Variants in TBC1D32 observed in about 807,000 individuals in gnomAD.
TBC1D32 encodes protein broad-minded.
A neutral mutation model predicts 170.3 loss-of-function variants in TBC1D32; 151 were observed. The observed-to-expected ratio is 0.89, with a 90% confidence interval of 0.78 to 1.01. TBC1D32 has a LOEUF of 1.01. Ranked by LOEUF, TBC1D32 falls within the 50% of genes least tolerant of loss-of-function variation. TBC1D32 has a pLI of 0.00. For missense variants in TBC1D32, 1,464 were observed against 1,457.1 expected (o/e 1.00, Z -0.08); for synonymous variants, 498 against 488.0 (o/e 1.02, Z -0.27).
At chr6:121,216,566 G>A (rs2133991) in intron 21 of TBC1D32, among the ~76,000 whole-genome samples, 26,208 of 152,034 alleles carry the variant, frequency 0.17, 4,442 homozygotes, top group African/African-American at 0.44. Context: ...AGTCATTGGC[G>A]TGAACTGTTT....
intron 22 of TBC1D32, chr6:121,170,319 T>G: frequency 7.7e-7 from 1 of 1,300,822 alleles, no homozygotes; most frequent in South Asian, 1.8e-5. Context: ...AGAAAAACAT[T>G]AAACAAGCTA....
chr6:121,313,800 A>G (rs1017873547), intron 3 of TBC1D32, among the ~76,000 whole-genome samples: 4 of 152,136 alleles, frequency 2.6e-5, no homozygotes, highest in African/African-American at 9.7e-5. Flanking sequence ...TTGCCAAAAA[A>G]AGAGATAAGT....
At chr6:121,190,094 AC>A in intron 22 of TBC1D32, among the ~76,000 whole-genome samples, 1 of 138,010 alleles carries the variant, frequency 7.2e-6, no homozygotes. Flanking sequence ...ACACACACAC[AC>A]ACACACACAC....
At chr6:121,181,462 T>C (rs561045020) in intron 22 of TBC1D32, among the ~76,000 whole-genome samples, 1 of 152,232 alleles carries the variant, frequency 6.6e-6, no homozygotes, top group Admixed American at 6.6e-5. Flanking sequence ...TCCGCCATGA[T>C]TGTAGATTTC....
chr6:121,156,955 T>A (rs1454651303), intron 24 of TBC1D32, among the ~76,000 whole-genome samples: 1 of 152,118 alleles, frequency 6.6e-6, no homozygotes, highest in Non-Finnish European at 1.5e-5. Context: ...ATATGTTGCA[T>A]GTGTAGAAGA....
At chr6:121,268,194 ACTT>A (rs1800813231) in intron 15 of TBC1D32, among the ~76,000 whole-genome samples, 1 of 152,218 alleles carries the variant, frequency 6.6e-6, no homozygotes, top group Non-Finnish European at 1.5e-5. Flanking sequence ...AAATCAGAGC[ACTT>A]CTTCTCCTCC....
At chr6:121,179,949 T>C (rs1788295841) in intron 22 of TBC1D32, among the ~76,000 whole-genome samples, 1 of 152,124 alleles carries the variant, frequency 6.6e-6, no homozygotes, top group African/African-American at 2.4e-5. Flanking sequence ...CCAGTGTCCA[T>C]GCTCTTAACT....
chr6:121,232,946 T>C (rs903823861), intron 20 of TBC1D32, among the ~76,000 whole-genome samples: 1 of 152,130 alleles, frequency 6.6e-6, no homozygotes, highest in African/African-American at 2.4e-5. Flanking sequence ...TTAATTTCCA[T>C]CTTGATATCA....
intron 22 of TBC1D32, among the ~76,000 whole-genome samples, chr6:121,177,649 G>A (rs1787958311): frequency 6.6e-6 from 1 of 151,948 alleles, no homozygotes; most frequent in South Asian, 2.1e-4. Context: ...GCTTTCTAAT[G>A]GTTCAATGTA....
intron 20 of TBC1D32, 61 bp downstream of exon 20, chr6:121,239,009 C>T (rs12191616): frequency 0.49 from 440,260 of 895,896 alleles, 121,047 homozygotes; most frequent in Non-Finnish European, 0.58. Context: ...AAAGTATGAA[C>T]GAATTCATTT....
At chr6:121,172,251 G>A (rs916204571) in intron 22 of TBC1D32, among the ~76,000 whole-genome samples, 1 of 152,092 alleles carries the variant, frequency 6.6e-6, no homozygotes, top group African/African-American at 2.4e-5. Flanking sequence ...GTCTTTATCA[G>A]CAGCATGAAA....
chr6:121,307,239 G>T (rs1807466327), intron 5 of TBC1D32, among the ~76,000 whole-genome samples: 1 of 151,986 alleles, frequency 6.6e-6, no homozygotes, highest in African/African-American at 2.4e-5. Flanking sequence ...GCCAGGCATG[G>T]TAGTGCATGC....
intron 22 of TBC1D32, among the ~76,000 whole-genome samples, chr6:121,161,352 C>T (rs929923547): frequency 2.0e-5 from 3 of 152,118 alleles, no homozygotes; most frequent in Non-Finnish European, 4.4e-5. Flanking sequence ...TCCCTCCTCC[C>T]CAGCTTCACC....
chr6:121,271,585 T>C (rs1801437882), intron 15 of TBC1D32, among the ~76,000 whole-genome samples: 1 of 152,090 alleles, frequency 6.6e-6, no homozygotes, highest in Admixed American at 6.6e-5. Flanking sequence ...CAAGGAGAAC[T>C]ACAAACCACT....
chr6:121,292,374 A>C (rs1237181446), intron 11 of TBC1D32, among the ~76,000 whole-genome samples, 181 bp from the exon 12 acceptor site: 1 of 152,156 alleles, frequency 6.6e-6, no homozygotes, highest in Admixed American at 6.6e-5. Context: ...TAAATCCCCA[A>C]AGAAAAGCAA....
In TBC1D32 at chr6:121,112,758, CATTCTT is replaced by C. The variant is rs1368750427; in HGVS notation, c.3170-105_3170-100del. ...ATGAATATATTAAATAAAAAGCAGACATTCTTATTCTGAATTTATGAAACTTAGTTT... is the reference window on the plus strand; with the variant it reads ...ATGAATATATTAAATAAAAAGCAGACATTCTGAATTTATGAAACTTAGTTT... On this transcript the variant is annotated intron_variant, in intron 28 of 31. Coordinates refer to ENST00000398212, the MANE Select transcript of TBC1D32 (RefSeq NM_152730.6). The C allele has an allele frequency of 2.1e-5, 22 of 1,057,412 alleles. No homozygotes were observed. The Admixed American group carries it at 2.5e-4, about 12-fold the overall frequency. The allele number at this position is 1,057,412 out of a possible 1,614,324, so 65.5% of individuals were successfully genotyped here.
At chr6:121,286,248 T>G (rs1266825909) in intron 12 of TBC1D32, among the ~76,000 whole-genome samples, 5 of 151,976 alleles carry the variant, frequency 3.3e-5, no homozygotes, top group African/African-American at 1.2e-4. Flanking sequence ...GAAAAAAAAT[T>G]GGATAAATGG....
chr6:121,301,429 T>G (rs1806461189), intron 9 of TBC1D32, among the ~76,000 whole-genome samples: 1 of 152,034 alleles, frequency 6.6e-6, no homozygotes. Flanking sequence ...CAGCAAACTT[T>G]CAGAAGAACA....
At chr6:121,221,858 T>A (rs569432236) in intron 21 of TBC1D32, among the ~76,000 whole-genome samples, 1 of 152,342 alleles carries the variant, frequency 6.6e-6, no homozygotes, top group Admixed American at 6.5e-5. Flanking sequence ...AAATATTACA[T>A]AAACTTAGTT....
Sources: gnomAD v4.1 joint callset for allele counts (sites outside exome capture counted in the v4.1 genomes callset) on GRCh38, gnomAD v4.1.1 for gene constraint, MANE v1.5 for transcripts, NCBI Gene and HGNC (gene_info 2026-07-23, HGNC 2026-07-21) for gene names.